The following SATB1 variants were observed in gnomAD, a reference collection of about 807,000 sequenced individuals.
SATB1 encodes DNA-binding protein SATB1.
SATB1 carries 11 observed loss-of-function variants against 86.9 expected under a neutral mutation model. The observed-to-expected ratio is 0.13, with a 90% CI of 0.08 to 0.21. The LOEUF (loss-of-function observed/expected upper bound fraction) is 0.21, where lower values mean the gene tolerates loss of function less well. SATB1 is among the 10% of genes least tolerant of loss of function. SATB1 has a pLI of 1.00. For synonymous variants in SATB1, 357 were observed against 357.2 expected (o/e 1.00, Z 0.01); for missense variants, 551 against 937.6 (o/e 0.59, Z 5.39).
intron 5 of SATB1, among the ~76,000 whole-genome samples, chr3:18,399,786 T>C (rs1697155565): frequency 6.6e-6 from 1 of 152,170 alleles, no homozygotes; most frequent in Non-Finnish European, 1.5e-5. Flanking sequence ...CCTATCTTTT[T>C]GTGCTTTTGG....
At chr3:18,357,344 C>G (rs1559393792) in intron 9 of SATB1, among the ~76,000 whole-genome samples, 1 of 151,744 alleles carries the variant, frequency 6.6e-6, no homozygotes, top group Non-Finnish European at 1.5e-5. Flanking sequence ...TTAAATAGTA[C>G]TTCTAACAAA....
intron 5 of SATB1, among the ~76,000 whole-genome samples, chr3:18,402,375 T>C (rs1408043355): frequency 6.6e-6 from 1 of 152,116 alleles, no homozygotes; most frequent in East Asian, 1.9e-4. Flanking sequence ...CTAATCAGGT[T>C]ATTCAATCAT....
upstream of SATB1, among the ~76,000 whole-genome samples, chr3:18,441,515 C>T (rs1699243705): frequency 6.6e-6 from 1 of 152,064 alleles, no homozygotes. Flanking sequence ...TTCATCAATT[C>T]CAAGTGCTAA....
Position 18,444,569 on chromosome 3 carries a change from T to A in SATB1, c.-25+949A>T. ...AGGGACAGAGATAAAACAGCAAGAG[T>A]AGCAAGGGGAAAAGGGAGGCAAAAG... On this transcript the variant is annotated intron_variant, in intron 1 of 3. Coordinates refer to the SATB1 transcript ENST00000415069. This position sits in a 1 kb window ranked among gnomAD's most constrained non-coding sequence, Gnocchi z 5.1. 2.0e-6 allele frequency: 2 copies of A among 983,214 alleles called. No homozygotes were observed. The allele number at this position is 983,214 out of a possible 1,614,324, so 60.9% of individuals were successfully genotyped here. A position where few individuals can be genotyped will look rare whatever the true frequency, so the allele number is the denominator to read the frequency against.
intron 2 of SATB1, chr3:18,434,814 G>A (rs1699005692): frequency 6.6e-6 from 1 of 151,750 alleles, no homozygotes; most frequent in Non-Finnish European, 1.5e-5. Flanking sequence ...TTTCTCACAT[G>A]CTACGTTAGA....
rs541548396 is a variant in SATB1, at chr3:18,379,727, C to T, written c.1420-1402G>A. 3.3e-5 allele frequency among the ~76,000 whole-genome samples: 5 copies of T among 152,312 alleles called. No homozygotes were observed. The South Asian group carries it at 1.0e-3, about 32-fold the overall frequency. ...GCAAAATAATTCACCTCTTGCTTAT[C>T]TTGAGAAAGCTGGTAGATGCTTTCA... is the stretch of plus-strand genomic sequence containing the variant. On this transcript the variant is annotated intron_variant, in intron 8 of 10. Transcript: ENST00000338745.
intron 5 of SATB1, among the ~76,000 whole-genome samples, chr3:18,398,856 A>G (rs1575141297): frequency 6.6e-6 from 1 of 152,204 alleles, no homozygotes; most frequent in Non-Finnish European, 1.5e-5. Flanking sequence ...CACAGTCCAC[A>G]GTGTAAAAAG....
Position 18,352,700 on chromosome 3 carries a change from T to A in SATB1, c.1576-505A>T, listed in dbSNP as rs1192199396. Reference sequence around the variant, plus strand: ...ACATGTATGAAACAGAAAGGACAGGTGCAATTACACCAGCAAGAATGTTTT... The same window carrying A: ...ACATGTATGAAACAGAAAGGACAGGAGCAATTACACCAGCAAGAATGTTTT... On this transcript the variant is annotated intron_variant, in intron 9 of 10. Transcript: ENST00000338745. This position sits in a 1 kb window ranked among gnomAD's most constrained non-coding sequence, Gnocchi z 4.1. 1 of 158,396 alleles carries A rather than the reference T, an allele frequency of 6.3e-6. No individual in the cohort carries two copies. Among genetic ancestry groups the A allele is most frequent in the East Asian group, 1.8e-4 (1 of 5,538 alleles). 9.8% of individuals were successfully genotyped at this position (158,396 alleles called of 1,614,324 possible).
intron 9 of SATB1, among the ~76,000 whole-genome samples, chr3:18,368,790 C>G (rs1695314042): frequency 6.6e-6 from 1 of 152,130 alleles, no homozygotes; most frequent in South Asian, 2.1e-4. Flanking sequence ...TAAATGGTCT[C>G]TAAAGTGGAT....
At chr3:18,421,042 G>T in intron 1 of SATB1, 51 bp from the exon 2 acceptor site, 2 of 1,224,388 alleles carry the variant, frequency 1.6e-6, no homozygotes, top group Non-Finnish European at 2.4e-6. Flanking sequence ...GGACCTACGT[G>T]TATATATGTG....
chr3:18,365,978 C>A (rs2125158405), intron 9 of SATB1, among the ~76,000 whole-genome samples: 1 of 152,264 alleles, frequency 6.6e-6, no homozygotes, highest in Admixed American at 6.5e-5. Flanking sequence ...TAGCATTTGT[C>A]TGTTTGTGAA....
In SATB1 at chr3:18,346,142, C is replaced by G. The variant is rs1694045181; in HGVS notation, c.*3028G>C. The G allele has an allele frequency of 1.3e-5, 2 of 152,052 alleles. No individual in the cohort carries two copies. Among genetic ancestry groups the G allele is most frequent in the Admixed American group, 1.3e-4 (2 of 15,272 alleles). 9.4% of individuals were successfully genotyped at this position (152,052 alleles called of 1,614,324 possible). ...CATACATATTAGTTACCTTGGTTTT[C>G]AAAGGTTGTCAACTCTGCATATTGT... is the stretch of plus-strand genomic sequence containing the variant. On this transcript the variant is annotated 3_prime_UTR_variant, in exon 11 of 11. Coordinates refer to ENST00000338745, the MANE Select transcript of SATB1 (RefSeq NM_002971.6).
chr3:18,355,592 G>T (rs1239992822), intron 9 of SATB1, among the ~76,000 whole-genome samples: 1 of 151,932 alleles, frequency 6.6e-6, no homozygotes, highest in Non-Finnish European at 1.5e-5. Flanking sequence ...TAACTGCATA[G>T]ACTTATGTGG....
intron 8 of SATB1, among the ~76,000 whole-genome samples, chr3:18,384,195 A>G (rs1696203855): frequency 6.6e-6 from 1 of 152,204 alleles, no homozygotes. Context: ...TCAGGCAAAA[A>G]TAAATTAAAC....
chr3:18,359,999 G>A (rs577031194), intron 9 of SATB1, among the ~76,000 whole-genome samples: 8 of 152,022 alleles, frequency 5.3e-5, no homozygotes, highest in African/African-American at 1.9e-4. Flanking sequence ...CTTCCAGTGG[G>A]CAATTATTTT....
chr3:18,395,168 A>G (rs1329491819), intron 6 of SATB1, among the ~76,000 whole-genome samples: 3 of 152,156 alleles, frequency 2.0e-5, no homozygotes, highest in Non-Finnish European at 2.9e-5. Context: ...TTAAGGCATA[A>G]AATCAATTAT....
intron 5 of SATB1, among the ~76,000 whole-genome samples, chr3:18,411,963 C>A (rs763735319): frequency 6.6e-6 from 1 of 151,850 alleles, no homozygotes; most frequent in Non-Finnish European, 1.5e-5. Context: ...ATTATTGTAC[C>A]CAAATGTAAG....
intron 8 of SATB1, among the ~76,000 whole-genome samples, chr3:18,383,554 C>T (rs1361325584): frequency 6.6e-6 from 1 of 152,170 alleles, no homozygotes; most frequent in Non-Finnish European, 1.5e-5. Flanking sequence ...TTTCAAATCT[C>T]CTCATTTTGG....
At chr3:18,374,005 A>T (rs769089062) in intron 9 of SATB1, among the ~76,000 whole-genome samples, 1 of 152,178 alleles carries the variant, frequency 6.6e-6, no homozygotes, top group Non-Finnish European at 1.5e-5. Flanking sequence ...GTTCAATAAA[A>T]CACTAGAGGA....
Sources: allele counts gnomAD v4.1 joint callset (sites outside exome capture counted in the v4.1 genomes callset), GRCh38; gene constraint gnomAD v4.1.1; non-coding constraint Gnocchi (gnomAD v3.1); transcripts MANE v1.5; gene names NCBI Gene and HGNC (gene_info 2026-07-23, HGNC 2026-07-21).